ATG10: variants seen among roughly 807,000 people sequenced by gnomAD.
ATG10 encodes the protein autophagy related 10.
ATG10 carries 30 observed loss-of-function variants against 32.1 expected under a neutral mutation model. That is an observed-to-expected ratio of 0.94 (90% CI 0.70 to 1.27). ATG10 has a LOEUF of 1.27. Ranked by LOEUF, ATG10 falls within the 50% of genes most tolerant of loss-of-function variation. ATG10 has a pLI of 0.00. For missense variants in ATG10, 233 were observed against 262.3 expected (o/e 0.89, Z 0.77); for synonymous variants, 87 against 91.5 (o/e 0.95, Z 0.28).
chr5:82,030,405 T>C (rs1374548865), intron 2 of ATG10, among the ~76,000 whole-genome samples: 1 of 152,212 alleles, frequency 6.6e-6, no homozygotes, highest in Admixed American at 6.5e-5. Flanking sequence ...AAGTGGCTAC[T>C]ACCTACATTT....
chr5:82,016,653 T>C (rs919318442), intron 2 of ATG10, among the ~76,000 whole-genome samples: 1 of 152,022 alleles, frequency 6.6e-6, no homozygotes, highest in African/African-American at 2.4e-5. Flanking sequence ...TGCACTGAAT[T>C]TGTAGATTGC....
chr5:82,154,550 G>A (rs1767735959), intron 3 of ATG10, among the ~76,000 whole-genome samples: 1 of 152,160 alleles, frequency 6.6e-6, no homozygotes, highest in Non-Finnish European at 1.5e-5. Flanking sequence ...GAGTGGCAGA[G>A]CCAGGGATTG....
At chr5:82,163,121 A>T (rs1351002247) in intron 3 of ATG10, among the ~76,000 whole-genome samples, 1 of 152,216 alleles carries the variant, frequency 6.6e-6, no homozygotes, top group South Asian at 2.1e-4. Flanking sequence ...TGGTTAAAAG[A>T]ATTGATGTAA....
intron 2 of ATG10, among the ~76,000 whole-genome samples, chr5:82,000,561 GA>G (rs564522916): frequency 5.3e-5 from 8 of 152,274 alleles, no homozygotes; most frequent in Admixed American, 3.9e-4. Flanking sequence ...TCTATACCAA[GA>G]AAACCCTATG....
intron 3 of ATG10, among the ~76,000 whole-genome samples, chr5:82,144,208 C>T (rs1436297847): frequency 1.3e-5 from 2 of 151,490 alleles, no homozygotes; most frequent in East Asian, 3.9e-4. Context: ...GATTTTTGTC[C>T]TCTCTACTTT....
intron 3 of ATG10, among the ~76,000 whole-genome samples, chr5:82,091,123 G>A (rs1160458548): frequency 6.6e-6 from 1 of 152,154 alleles, no homozygotes; most frequent in Non-Finnish European, 1.5e-5. Flanking sequence ...TGACCAAATT[G>A]GTAGAACAGT....
At chr5:82,248,208 A>G (rs1365123242) in intron 5 of ATG10, among the ~76,000 whole-genome samples, 1 of 152,154 alleles carries the variant, frequency 6.6e-6, no homozygotes, top group Non-Finnish European at 1.5e-5. Flanking sequence ...TATTTCCAGA[A>G]TGTCCCCATT....
chr5:82,181,023 T>C (rs1744210405), intron 5 of ATG10, among the ~76,000 whole-genome samples: 1 of 152,188 alleles, frequency 6.6e-6, no homozygotes, highest in African/African-American at 2.4e-5. Flanking sequence ...AATTGACGAA[T>C]GTCTTTCATT....
intron 3 of ATG10, among the ~76,000 whole-genome samples, chr5:82,139,217 C>G (rs1766926832): frequency 6.8e-6 from 1 of 146,460 alleles, no homozygotes; most frequent in Admixed American, 6.7e-5. Context: ...AGCCGCCTGC[C>G]TTGGCCTCCC....
At chr5:81,972,907 T>G (rs1760766484) in intron 1 of ATG10, among the ~76,000 whole-genome samples, 1 of 152,128 alleles carries the variant, frequency 6.6e-6, no homozygotes, top group Admixed American at 6.5e-5. Context: ...AAGGACAGCA[T>G]GTTTTTTTCA....
intron 2 of ATG10, among the ~76,000 whole-genome samples, chr5:81,997,503 C>G (rs1034003310): frequency 6.6e-6 from 1 of 152,232 alleles, no homozygotes; most frequent in African/African-American, 2.4e-5. Context: ...TACCTCCAAA[C>G]AACTGCACTA....
chr5:82,109,730 G>A (rs1016150950), intron 3 of ATG10, among the ~76,000 whole-genome samples: 11 of 150,698 alleles, frequency 7.3e-5, no homozygotes, highest in South Asian at 2.1e-4. Flanking sequence ...CTAATTCTTC[G>A]CTCCTTCCCT....
chr5:82,009,616 C>G (rs926306299), intron 2 of ATG10: 5 of 1,590,288 alleles, frequency 3.1e-6, no homozygotes, highest in Non-Finnish European at 4.3e-6. Context: ...TGTCCACAGT[C>G]AGCAATGGTG....
intron 3 of ATG10, among the ~76,000 whole-genome samples, chr5:82,102,144 TG>T (rs1257037486): frequency 1.3e-5 from 2 of 152,224 alleles, no homozygotes; most frequent in Non-Finnish European, 2.9e-5. Context: ...TCAGTATAGC[TG>T]TGACATAGAT....
At chr5:82,174,677 G>A (rs1036428972) in intron 4 of ATG10, among the ~76,000 whole-genome samples, 5 of 152,192 alleles carry the variant, frequency 3.3e-5, no homozygotes, top group African/African-American at 1.2e-4. Context: ...AGCATTGTTG[G>A]AATAAATATT....
At chr5:82,049,482 A>G (rs928256755) in intron 2 of ATG10, among the ~76,000 whole-genome samples, 2 of 152,004 alleles carry the variant, frequency 1.3e-5, no homozygotes, top group African/African-American at 4.8e-5. Flanking sequence ...GCGCACCAGC[A>G]TGGCACATGT....
At chr5:81,974,035 C>T (rs562134525) in intron 1 of ATG10, among the ~76,000 whole-genome samples, 1 of 152,252 alleles carries the variant, frequency 6.6e-6, no homozygotes, top group South Asian at 2.1e-4. Flanking sequence ...ACAGTAGTTC[C>T]TGATGCCTAA....
chr5:82,055,232 AGATT>A (rs1763554282), intron 2 of ATG10, among the ~76,000 whole-genome samples: 1 of 152,216 alleles, frequency 6.6e-6, no homozygotes, highest in South Asian at 2.1e-4. Context: ...TTGACTGAGA[AGATT>A]GATACTGAAA....
intron 2 of ATG10, among the ~76,000 whole-genome samples, chr5:82,019,601 A>G (rs1189266163): frequency 6.6e-6 from 1 of 152,154 alleles, no homozygotes; most frequent in Non-Finnish European, 1.5e-5. Context: ...GAGTTTCGGC[A>G]AAGGGGGAGT....
Sources: gnomAD v4.1 joint callset for allele counts (sites outside exome capture counted in the v4.1 genomes callset) on GRCh38, gnomAD v4.1.1 for gene constraint, MANE v1.5 for transcripts, NCBI Gene and HGNC (gene_info 2026-07-23, HGNC 2026-07-21) for gene names.